The following SPAG17 variants were observed in gnomAD, a reference collection of about 807,000 sequenced individuals.
The protein encoded by SPAG17 is sperm associated antigen 17.
A neutral mutation model predicts 273.6 loss-of-function variants in SPAG17; 169 were observed. The ratio of observed to expected loss-of-function variants is 0.62; its 90% CI spans 0.55 to 0.70. SPAG17 has a LOEUF of 0.70. Ranked by LOEUF, SPAG17 falls within the 30% of genes least tolerant of loss-of-function variation. The pLI, the probability that SPAG17 is intolerant of heterozygous loss-of-function variation, is 0.00. For missense variants in SPAG17, 2,557 were observed against 2,627.8 expected (o/e 0.97, Z 0.59); for synonymous variants, 825 against 873.2 (o/e 0.94, Z 0.97).
At chr1:118,037,122 C>T (rs150275581) in intron 23 of SPAG17, among the ~76,000 whole-genome samples, 7 of 152,190 alleles carry the variant, frequency 4.6e-5, no homozygotes, top group Admixed American at 4.6e-4. Flanking sequence ...GGAAATCAAT[C>T]GGTTGATGGC....
intron 34 of SPAG17, among the ~76,000 whole-genome samples, chr1:117,995,088 C>G (rs533715692): frequency 1.3e-5 from 2 of 152,198 alleles, no homozygotes; most frequent in Non-Finnish European, 2.9e-5. Context: ...CTACTTTGGC[C>G]TTTCCCCCAA....
At chr1:117,984,928 T>G in intron 40 of SPAG17, 146 bp from the exon 41 acceptor site, 1 of 608,082 alleles carries the variant, frequency 1.6e-6, no homozygotes, top group Non-Finnish European at 2.9e-6. Flanking sequence ...GATATTTTTG[T>G]CAACTTGTTT....
chr1:118,179,857 A>C (rs1558065707), intron 1 of SPAG17, among the ~76,000 whole-genome samples: 1 of 152,060 alleles, frequency 6.6e-6, no homozygotes, highest in Non-Finnish European at 1.5e-5. Flanking sequence ...AACATCGCTA[A>C]TCATCAGATA....
intron 4 of SPAG17, among the ~76,000 whole-genome samples, chr1:118,103,760 T>C (rs2102226539): frequency 6.6e-6 from 1 of 152,044 alleles, no homozygotes; most frequent in African/African-American, 2.4e-5. Flanking sequence ...AAGTAGGTGA[T>C]GAAGGACTCT....
chr1:118,150,708 C>T, intron 2 of SPAG17, 79 bp from the exon 3 acceptor site: 1 of 778,398 alleles, frequency 1.3e-6, no homozygotes, highest in Non-Finnish European at 2.1e-6. Context: ...TTTCAAATAT[C>T]TAGGTGATCT....
At chr1:118,131,360 C>T (rs1658042908) in intron 3 of SPAG17, among the ~76,000 whole-genome samples, 1 of 152,180 alleles carries the variant, frequency 6.6e-6, no homozygotes, top group Admixed American at 6.5e-5. Context: ...TCCCCTCCTT[C>T]AGATTTTTAT....
At chr1:118,045,229 T>C (rs2101948564) in intron 20 of SPAG17, among the ~76,000 whole-genome samples, 1 of 152,288 alleles carries the variant, frequency 6.6e-6, no homozygotes, top group East Asian at 1.9e-4. Context: ...GCAACTCTTG[T>C]CATGTTCTTC....
At chr1:118,094,639 AG>A (rs1655594788) in intron 7 of SPAG17, among the ~76,000 whole-genome samples, 1 of 152,198 alleles carries the variant, frequency 6.6e-6, no homozygotes, top group Admixed American at 6.5e-5. Flanking sequence ...TGCTTCTACT[AG>A]GGGTAGATTA....
In SPAG17 at chr1:118,028,344, GGGAACA is replaced by G; in HGVS notation, c.3654_3659del (p.Val1219_Pro1220del). The G allele has an allele frequency of 6.2e-7, 1 of 1,613,780 alleles. No individual in the cohort carries two copies. The highest frequency in any genetic ancestry group is 1.7e-5 in the Admixed American group (1 of 60,002). On this transcript the variant is annotated inframe_deletion, in exon 26 of 49. Coordinates refer to ENST00000336338, the MANE Select transcript of SPAG17 (RefSeq NM_206996.4). ...AAGACACATTTAGGCTCTGGAAGGT[GGGAACA>G]TCCAAAGTCTCTTGTAAAACAGGTT...
chr1:117,993,114 C>G (rs2101657847), intron 35 of SPAG17, among the ~76,000 whole-genome samples: 1 of 152,288 alleles, frequency 6.6e-6, no homozygotes, highest in African/African-American at 2.4e-5. Context: ...CTAGACTAAG[C>G]ATGCCTCCAG....
In SPAG17 at chr1:118,081,645, G is replaced by T. The variant is rs200082192; in HGVS notation, c.1763-3C>A. 1.2e-6 allele frequency: 2 copies of T among 1,612,344 alleles called. No individual in the cohort carries two copies. Among genetic ancestry groups the T allele is most frequent in the Non-Finnish European group, 1.7e-6 (2 of 1,178,626 alleles). ...TACTTCATTCCAGCTCAAGACATCT[G>T]TAAGAAAGCAGAACCAGTGCTGCTG... On this transcript the variant is annotated splice_region_variant and splice_polypyrimidine_tract_variant and intron_variant, in intron 13 of 48. Coordinates refer to ENST00000336338, the MANE Select transcript of SPAG17 (RefSeq NM_206996.4).
In SPAG17 at chr1:118,066,787, C is replaced by G. The variant is rs1419489136; in HGVS notation, c.2498G>C (p.Cys833Ser). The change falls in exon 18 of 49, where the codon TGT becomes TCT. Residue 833 changes from cysteine to serine, a missense_variant. Coordinates refer to ENST00000336338, the MANE Select transcript of SPAG17 (RefSeq NM_206996.4). The part of the protein sequence containing the change: ...HNPMNRQRLH[C>S]EYWNIALHSN... ...GTGGAGAGCAATGTTCCAATATTCACAATGCAAACGTTGTCTATTCATTGG... is the reference window on the plus strand; with the variant it reads ...GTGGAGAGCAATGTTCCAATATTCAGAATGCAAACGTTGTCTATTCATTGG... 2 of 1,613,316 alleles carry G rather than the reference C, an allele frequency of 1.2e-6. No individual in the cohort carries two copies. Among genetic ancestry groups the G allele is most frequent in the Admixed American group, 1.7e-5 (1 of 59,890 alleles).
intron 13 of SPAG17, among the ~76,000 whole-genome samples, chr1:118,083,809 C>T (rs1432294543): frequency 1.3e-5 from 2 of 151,964 alleles, no homozygotes; most frequent in Non-Finnish European, 2.9e-5. Context: ...AAAACAGAGA[C>T]AGCAGGGATG....
intron 22 of SPAG17, among the ~76,000 whole-genome samples, chr1:118,039,682 G>A (rs766445311): frequency 1.3e-5 from 2 of 152,052 alleles, no homozygotes; most frequent in South Asian, 4.1e-4. Context: ...ACTACCTGCC[G>A]AGTACTCTGT....
intron 17 of SPAG17, among the ~76,000 whole-genome samples, chr1:118,072,442 A>G (rs1653693444): frequency 1.3e-5 from 2 of 152,186 alleles, no homozygotes; most frequent in African/African-American, 2.4e-5. Context: ...GAGGCCCAGG[A>G]CCACAGCTGT....
chr1:118,063,760 C>T (rs903261006), intron 18 of SPAG17, among the ~76,000 whole-genome samples: 7 of 152,140 alleles, frequency 4.6e-5, no homozygotes, highest in African/African-American at 1.7e-4. Flanking sequence ...TAAAGAGCTT[C>T]TGCACAGCAA....
At chr1:118,066,646 C>G in intron 18 of SPAG17, 99 bp downstream of exon 18, 4 of 946,566 alleles carry the variant, frequency 4.2e-6, no homozygotes, top group Non-Finnish European at 6.4e-6. Context: ...GAGCTGAACC[C>G]CCTAGCTTAG....
At chr1:118,159,413 T>C (rs56382923) in intron 1 of SPAG17, among the ~76,000 whole-genome samples, 4,425 of 152,302 alleles carry the variant, frequency 0.029, 78 homozygotes, top group Middle Eastern at 0.061. Context: ...TCTTTGTGAC[T>C]CAGTTTCTCA....
Position 118,015,981 on chromosome 1 carries a change from T to A in SPAG17, c.4271A>T (p.Asp1424Val). 1 of 1,613,976 alleles carries A rather than the reference T, an allele frequency of 6.2e-7. No individual in the cohort carries two copies. Among genetic ancestry groups the A allele is most frequent in the Non-Finnish European group, 8.5e-7 (1 of 1,179,898 alleles). Residue 1424 changes from aspartate (D) to valine (V), a missense_variant, in exon 29 of 49, where the codon GAT (aspartate) becomes GTT (valine). Asp to Val is a radical substitution (Grantham distance 152). Transcript: ENST00000336338. ...LTPLLSFQAT[D>V]PVNGTVMTTR... The stretch of plus-strand genomic sequence containing the variant: ...TTGTCATACCGTTCCATTGACAGGA[T>A]CTGTGGCCTGAAAGGATAACAATGG...
Sources: gnomAD v4.1 joint callset for allele counts (sites outside exome capture counted in the v4.1 genomes callset) on GRCh38, gnomAD v4.1.1 for gene constraint, MANE v1.5 for transcripts, NCBI Gene and HGNC (gene_info 2026-07-23, HGNC 2026-07-21) for gene names.